The following ELAVL4 variants were observed in gnomAD, a reference collection of about 807,000 sequenced individuals.
ELAVL4 encodes ELAV-like protein 4.
A neutral mutation model predicts 35.6 loss-of-function variants in ELAVL4; 1 was observed. The observed-to-expected ratio is 0.03, with a 90% CI of 0.01 to 0.13. The LOEUF is 0.13. Among genes scored for constraint, ELAVL4 ranks in the 10% least tolerant of loss-of-function variants. ELAVL4 has a pLI of 1.00. For missense variants in ELAVL4, 267 were observed against 464.9 expected, an observed-to-expected ratio of 0.57 and a Z score of 3.91; for synonymous variants, 156 against 171.0, an observed-to-expected ratio of 0.91 and a Z score of 0.69.
At chr1:50,173,374 CA>C (rs1679389066) in intron 2 of ELAVL4, among the ~76,000 whole-genome samples, 1 of 152,270 alleles carries the variant, frequency 6.6e-6, no homozygotes, top group African/African-American at 2.4e-5. Context: ...CTGTTTAATT[CA>C]AAATACTCTG....
chr1:50,197,651 A>G (rs961875088), intron 6 of ELAVL4, 184 bp downstream of exon 6: 2 of 518,556 alleles, frequency 3.9e-6, no homozygotes, highest in South Asian at 3.6e-5. Flanking sequence ...TAGGGCACAC[A>G]AAATGTATTT....
intron 1 of ELAVL4, chr1:50,109,765 C>T (rs1666745668): frequency 3.0e-6 from 2 of 676,894 alleles, no homozygotes; most frequent in South Asian, 3.8e-5. Context: ...AAAGAGTTTC[C>T]TGTCATGACC....
intron 1 of ELAVL4, among the ~76,000 whole-genome samples, chr1:50,077,346 T>C (rs950577264): frequency 6.6e-6 from 1 of 152,196 alleles, no homozygotes; most frequent in South Asian, 2.1e-4. Flanking sequence ...AGAGCCAATG[T>C]TTCAGTCTGT....
chr1:50,143,283 C>G (rs1430567601), intron 1 of ELAVL4, among the ~76,000 whole-genome samples: 12 of 152,190 alleles, frequency 7.9e-5, no homozygotes, highest in Non-Finnish European at 1.5e-4. Flanking sequence ...TGCTTCCCCC[C>G]TAAATCCTCT....
intron 3 of ELAVL4, among the ~76,000 whole-genome samples, chr1:50,182,400 A>G (rs1359964552): frequency 1.3e-5 from 2 of 152,208 alleles, no homozygotes; most frequent in Non-Finnish European, 2.9e-5. Flanking sequence ...CCTAAATGTC[A>G]GGAGTAGGAT....
At chr1:50,077,855 C>T (rs1209558365) in intron 1 of ELAVL4, among the ~76,000 whole-genome samples, 1 of 152,124 alleles carries the variant, frequency 6.6e-6, no homozygotes, top group Admixed American at 6.5e-5. Flanking sequence ...AACTTTATCC[C>T]TCTGTTTACC....
At chr1:50,069,922 G>A (rs1376042263) in intron 1 of ELAVL4, among the ~76,000 whole-genome samples, 1 of 152,180 alleles carries the variant, frequency 6.6e-6, no homozygotes, top group Non-Finnish European at 1.5e-5. Flanking sequence ...TATTACCTAA[G>A]TATTGTAAAC....
At chr1:50,104,196 C>T (rs1030889323), upstream of ELAVL4, among the ~76,000 whole-genome samples, 3 of 152,128 alleles carry the variant, frequency 2.0e-5, no homozygotes, top group Non-Finnish European at 4.4e-5. Flanking sequence ...TCCCCTTTTA[C>T]CCTTTTCAAA....
intron 1 of ELAVL4, among the ~76,000 whole-genome samples, chr1:50,116,271 T>G (rs985692921): frequency 3.3e-5 from 5 of 152,110 alleles, no homozygotes; most frequent in African/African-American, 1.2e-4. Context: ...CTTTTTGAAT[T>G]CCTTTTCCTC....
chr1:50,195,638 C>A lies in ELAVL4; in HGVS notation c.586C>A (p.Gln196Lys). ...AEEAIKGLNGQKPSGATEPIT... is the reference protein window; with the variant it reads ...AEEAIKGLNGKKPSGATEPIT... ...AGAAGCCATCAAAGGGCTGAATGGC[C>A]AGAAGCCCAGCGGTGCTACGGAACC... Residue 196 changes from glutamine to lysine, a missense_variant, in exon 5 of 7, where the codon CAG becomes AAG. Physicochemically the swap from Gln to Lys is moderately conservative, Grantham distance 53. Coordinates refer to ENST00000371824, the MANE Select transcript of ELAVL4 (RefSeq NM_001144774.3). 1 of 1,614,112 alleles carries A rather than the reference C, an allele frequency of 6.2e-7. No individual in the cohort carries two copies. The highest frequency in any genetic ancestry group is 1.1e-5 in the South Asian group (1 of 91,068).
chr1:50,071,099 GCTCTCAAGGACCCC>G (rs1417717326), intron 1 of ELAVL4, among the ~76,000 whole-genome samples: 2 of 152,078 alleles, frequency 1.3e-5, no homozygotes, highest in African/African-American at 4.8e-5. Flanking sequence ...TCAGGCTTCT[GCTCTCAAGGACCCC>G]CCCTCAGAAC....
intron 1 of ELAVL4, among the ~76,000 whole-genome samples, chr1:50,139,973 T>C (rs1364726308): frequency 1.3e-5 from 2 of 152,240 alleles, no homozygotes; most frequent in African/African-American, 4.8e-5. Flanking sequence ...ACCGCTCTAA[T>C]AGTTTATCCC....
intron 1 of ELAVL4, among the ~76,000 whole-genome samples, chr1:50,124,678 A>G (rs1275070639): frequency 6.6e-6 from 1 of 152,108 alleles, no homozygotes; most frequent in Non-Finnish European, 1.5e-5. Flanking sequence ...ACTGCAGTGC[A>G]GTGGTGCAAT....
In ELAVL4 at chr1:50,123,844, G is replaced by T. The variant is rs1019881968; in HGVS notation, c.9+14646G>T. 4.6e-5 allele frequency among the ~76,000 whole-genome samples: 7 copies of T among 152,072 alleles called. No homozygotes were observed. The South Asian group carries it at 6.2e-4, about 13-fold the overall frequency. On this transcript the variant is annotated intron_variant, in intron 1 of 6. Coordinates refer to ENST00000371824, the MANE Select transcript of ELAVL4 (RefSeq NM_001144774.3). ...TAGGAGGCCTGTGTCACCCAGAAAGGCTTGCCTTAACTCACTGTGGGTTGT... is the reference window on the plus strand; with the variant it reads ...TAGGAGGCCTGTGTCACCCAGAAAGTCTTGCCTTAACTCACTGTGGGTTGT...
chr1:50,134,693 T>C (rs1671592995), intron 1 of ELAVL4, among the ~76,000 whole-genome samples: 1 of 152,188 alleles, frequency 6.6e-6, no homozygotes, highest in African/African-American at 2.4e-5. Context: ...TGTATTTATT[T>C]ACTGGCCATT....
intron 2 of ELAVL4, among the ~76,000 whole-genome samples, chr1:50,150,302 G>C (rs1192535761): frequency 2.0e-5 from 3 of 152,246 alleles, no homozygotes; most frequent in East Asian, 3.9e-4. Context: ...CGTCTCTTTG[G>C]TTTAATTAAT....
At chr1:50,107,691 A>G (rs895562025), upstream of ELAVL4, among the ~76,000 whole-genome samples, 5 of 152,250 alleles carry the variant, frequency 3.3e-5, no homozygotes, top group Admixed American at 6.5e-5. Flanking sequence ...AATATGTGTT[A>G]CCACTGTGTA....
At chr1:50,136,922 G>A (rs1321410282) in intron 1 of ELAVL4, among the ~76,000 whole-genome samples, 1 of 152,142 alleles carries the variant, frequency 6.6e-6, no homozygotes, top group South Asian at 2.1e-4. Context: ...ACTGAGTTCT[G>A]TATCAGGTCA....
chr1:50,149,650 T>C (rs1227149017), intron 2 of ELAVL4, among the ~76,000 whole-genome samples: 1 of 151,136 alleles, frequency 6.6e-6, no homozygotes, highest in Non-Finnish European at 1.5e-5. Flanking sequence ...TTCAAGTGAT[T>C]CTCCTGCCTC....
Sources: gnomAD v4.1 joint callset for allele counts (sites outside exome capture counted in the v4.1 genomes callset) on GRCh38, gnomAD v4.1.1 for gene constraint, MANE v1.5 for transcripts, NCBI Gene and HGNC (gene_info 2026-07-23, HGNC 2026-07-21) for gene names.